Variants in FBH1 observed in about 807,000 individuals in gnomAD.
The protein encoded by FBH1 is DNA 3'-5' helicase 1.
A neutral mutation model predicts 115.5 loss-of-function variants in FBH1; 43 were observed. That is an observed-to-expected ratio of 0.37 (90% CI 0.29 to 0.48). The LOEUF (loss-of-function observed/expected upper bound fraction) is 0.48. FBH1 is among the 20% of genes least tolerant of loss of function. The probability of loss-of-function intolerance (pLI) is 0.99; values close to 1 mark genes in which losing one functional copy is unlikely to be tolerated. For missense variants in FBH1, 1,001 were observed against 1,337.3 expected, an observed-to-expected ratio of 0.75 and a Z score of 3.92; for synonymous variants, 524 against 507.8, an observed-to-expected ratio of 1.03 and a Z score of -0.43.
At chr10:5,926,213 C>T (rs1486978497) in intron 18 of FBH1, among the ~76,000 whole-genome samples, 2 of 152,146 alleles carry the variant, frequency 1.3e-5, no homozygotes, top group African/African-American at 2.4e-5. Context: ...CTCCACCTCC[C>T]GGGTTCAAGT....
chr10:5,937,116 A>G lies in FBH1; in HGVS notation c.2968A>G (p.Arg990Gly). ...MKKLPITYSN[R>G]KENKGGYLCH... ...CTCTTGTCCATCACCACAGAGCAAC[A>G]GGAAGGAAAACAAGGGGGGCTACCT... The change falls in exon 21 of 21, where the codon AGG becomes GGG. Residue 990 changes from arginine to glycine, a missense_variant. Arg to Gly is a moderately radical substitution (Grantham distance 125). Coordinates refer to ENST00000362091, the MANE Select transcript of FBH1 (RefSeq NM_178150.3). 1.9e-6 allele frequency: 3 copies of G among 1,603,406 alleles called. No homozygotes were observed. The highest frequency in any genetic ancestry group is 2.6e-6 in the Non-Finnish European group (3 of 1,174,056).
At position 5,935,046 on chromosome 10, in the gene FBH1, A is replaced by G. The variant is rs1833241227; in HGVS notation, c.2830-1410A>G. ...GGCTTAAAAAGAGTTAAATGGCATA[A>G]AATCTAAAGAAATCAGAGAACACTG... On this transcript the variant is annotated intron_variant, in intron 19 of 20. Coordinates refer to ENST00000362091, the MANE Select transcript of FBH1 (RefSeq NM_178150.3). This position sits in a 1 kb window ranked among gnomAD's most constrained non-coding sequence, Gnocchi z 5.2. The G allele has an allele frequency of 6.6e-6, 1 of 152,238 alleles. No individual in the cohort carries two copies. Among genetic ancestry groups the G allele is most frequent in the Admixed American group, 6.5e-5 (1 of 15,282 alleles). The allele number at this position is 152,238 out of a possible 1,614,324, so 9.4% of individuals were successfully genotyped here.
In FBH1 at chr10:5,936,858, G is replaced by A. The variant is rs1041023599; in HGVS notation, c.2962-252G>A. On this transcript the variant is annotated intron_variant, in intron 20 of 20. Coordinates refer to ENST00000362091, the MANE Select transcript of FBH1 (RefSeq NM_178150.3). This position sits in a 1 kb window ranked among gnomAD's most constrained non-coding sequence, Gnocchi z 5.6. ...GAGAGCTGTTCCCTGGGGTCCCAGC[G>A]CAGCTTTTCTTGGTTCTTTATCTTG... 2.2e-5 allele frequency: 13 copies of A among 592,772 alleles called. No homozygotes were observed. Among genetic ancestry groups the A allele is most frequent in the Non-Finnish European group, 2.6e-5 (9 of 342,466 alleles). The allele number at this position is 592,772 out of a possible 1,614,324, so 36.7% of individuals were successfully genotyped here.
At position 5,910,057 on chromosome 10, in the gene FBH1, G is replaced by A. The variant is rs748807814; in HGVS notation, c.1020+763G>A. ...AGCACTTTGTGAGGCCAAGGCGGGT[G>A]GATCACCTGAGGTCAGGAGTTCGAG... is the stretch of plus-strand genomic sequence containing the variant. On this transcript the variant is annotated intron_variant, in intron 5 of 20. Transcript: ENST00000362091. The surrounding 1 kb of genome is among the most constrained non-coding windows in gnomAD (Gnocchi z 4.8). 9.9e-5 allele frequency among the ~76,000 whole-genome samples: 15 copies of A among 152,168 alleles called. No homozygotes were observed. Among genetic ancestry groups the A allele is most frequent in the Non-Finnish European group, 1.9e-4 (13 of 68,032 alleles).
At position 5,924,812 on chromosome 10, in the gene FBH1, C is replaced by T. The variant is rs1156578914; in HGVS notation, c.2596+304C>T. On this transcript the variant is annotated intron_variant, in intron 17 of 20. Coordinates refer to ENST00000362091, the MANE Select transcript of FBH1 (RefSeq NM_178150.3). The surrounding 1 kb of genome is among the most constrained non-coding windows in gnomAD (Gnocchi z 6.2). ...AACTCCCAACCTCAGGTAATCTGCC[C>T]ACCTCGACCTCCCAAAGTGCTAGAA... The T allele has an allele frequency of 2.1e-6, 1 of 482,266 alleles. No homozygotes were observed. Among genetic ancestry groups the T allele is most frequent in the South Asian group, 1.6e-5 (1 of 62,526 alleles). 29.9% of individuals were successfully genotyped at this position (482,266 alleles called of 1,614,324 possible). A position where few individuals can be genotyped will look rare whatever the true frequency, so the allele number is the denominator to read the frequency against.
rs1322618041 is a variant in FBH1 at position 5,921,042 on chromosome 10, A to G, written c.2101-216A>G. 2.6e-5 allele frequency among the ~76,000 whole-genome samples: 4 copies of G among 152,238 alleles called. No individual in the cohort carries two copies. The highest frequency in any genetic ancestry group is 5.9e-5 in the Non-Finnish European group (4 of 68,042). On this transcript the variant is annotated intron_variant, in intron 13 of 20. Coordinates refer to ENST00000362091, the MANE Select transcript of FBH1 (RefSeq NM_178150.3). This position sits in a 1 kb window ranked among gnomAD's most constrained non-coding sequence, Gnocchi z 6.4. ...TTTGGAGAAAAGGGTAGATTTGCTTAAAAGAAAAATTTACTATTGGTGTTG... is the reference window on the plus strand; with the variant it reads ...TTTGGAGAAAAGGGTAGATTTGCTTGAAAGAAAAATTTACTATTGGTGTTG...
chr10:5,908,934 T>C lies in FBH1; in HGVS notation c.763T>C (p.Trp255Arg). The stretch of plus-strand genomic sequence containing the variant: ...TTTTTTAACTGCATAGTTCATTCCT[T>C]GGAAGAAGCTGTACCATCGATACCT... ...EIISDPLFIP[W>R]KKLYHRYLMN... The change falls in exon 4 of 21, where the codon TGG becomes CGG. Residue 255 changes from tryptophan to arginine, a missense_variant. By Grantham distance (101) the Trp-to-Arg change is moderately radical. Around this residue, in one of 4 missense-constraint regions of FBH1, gnomAD observed 420 missense variants for 430.4 expected, o/e 0.98. Coordinates refer to ENST00000362091, the MANE Select transcript of FBH1 (RefSeq NM_178150.3). The C allele has an allele frequency of 1.2e-6, 2 of 1,614,168 alleles. No individual in the cohort carries two copies. Among genetic ancestry groups the C allele is most frequent in the Non-Finnish European group, 1.7e-6 (2 of 1,180,042 alleles).
intron 19 of FBH1, among the ~76,000 whole-genome samples, chr10:5,927,858 G>A (rs914346552): frequency 2.0e-5 from 3 of 151,878 alleles, no homozygotes; most frequent in Admixed American, 1.3e-4. Context: ...GATCACTTGA[G>A]GCCAGGGGTT....
chr10:5,927,865 G>C (rs528073883), intron 19 of FBH1, among the ~76,000 whole-genome samples: 18 of 151,798 alleles, frequency 1.2e-4, no homozygotes, highest in African/African-American at 4.4e-4. Context: ...TGAGGCCAGG[G>C]GTTTGAGACC....
rs1252010283 is a variant in FBH1, at chr10:5,910,071, C to T, written c.1020+777C>T. Among the ~76,000 whole-genome samples the T allele has an allele frequency of 6.6e-6, 1 of 152,168 alleles. No individual in the cohort carries two copies. Among genetic ancestry groups the T allele is most frequent in the East Asian group, 1.9e-4 (1 of 5,206 alleles). On this transcript the variant is annotated intron_variant, in intron 5 of 20. Coordinates refer to ENST00000362091, the MANE Select transcript of FBH1 (RefSeq NM_178150.3). This position sits in a 1 kb window ranked among gnomAD's most constrained non-coding sequence, Gnocchi z 4.8. The stretch of plus-strand genomic sequence containing the variant: ...CCAAGGCGGGTGGATCACCTGAGGT[C>T]AGGAGTTCGAGACCAGCCTGGCCAA...
Position 5,913,956 on chromosome 10 carries a change from G to A in FBH1, c.1304+117G>A. 8 of 883,076 alleles carry A rather than the reference G, an allele frequency of 9.1e-6. No individual in the cohort carries two copies. Among genetic ancestry groups the A allele is most frequent in the Non-Finnish European group, 1.4e-5 (8 of 560,002 alleles). The allele number at this position is 883,076 out of a possible 1,614,324, so 54.7% of individuals were successfully genotyped here. A position where few individuals can be genotyped will look rare whatever the true frequency, so the allele number is the denominator to read the frequency against. ...ATCATTGAGGTTAATAATGTAAATT[G>A]TGTAAAACTCACCCATCCTAAGAGT... On this transcript the variant is annotated intron_variant, in intron 7 of 20. Transcript: ENST00000362091. The surrounding 1 kb of genome is among the most constrained non-coding windows in gnomAD (Gnocchi z 4.4).
In FBH1 at chr10:5,895,224, C is replaced by A; in HGVS notation, c.1+4878C>A. 1 of 1,589,968 alleles carries A rather than the reference C, an allele frequency of 6.3e-7. No homozygotes were observed. Among genetic ancestry groups the A allele is most frequent in the Admixed American group, 1.7e-5 (1 of 57,568 alleles). ...GTGGGAAACTGACCAGGGCGGTTAGCTGACTCCAAAATTGTCCAGATTAGC... is the reference window on the plus strand; with the variant it reads ...GTGGGAAACTGACCAGGGCGGTTAGATGACTCCAAAATTGTCCAGATTAGC... On this transcript the variant is annotated intron_variant, in intron 1 of 20. Coordinates refer to ENST00000362091, the MANE Select transcript of FBH1 (RefSeq NM_178150.3). This position sits in a 1 kb window ranked among gnomAD's most constrained non-coding sequence, Gnocchi z 5.0.
Position 5,917,379 on chromosome 10 carries a change from A to G in FBH1, c.1789-41A>G. 1 of 1,563,236 alleles carries G rather than the reference A, an allele frequency of 6.4e-7. No homozygotes were observed. Among genetic ancestry groups the G allele is most frequent in the Non-Finnish European group, 8.8e-7 (1 of 1,136,060 alleles). On this transcript the variant is annotated intron_variant, in intron 10 of 20. Transcript: ENST00000362091. The surrounding 1 kb of genome is among the most constrained non-coding windows in gnomAD (Gnocchi z 5.6). ...GTGACCGCAGGGTGCTGCCTTTGCC[A>G]GGGTCTCAAACTCTGGGTTACCATA...
Position 5,914,332 on chromosome 10 carries a change from T to C in FBH1, c.1396+63T>C. 2 of 1,358,790 alleles carry C rather than the reference T, an allele frequency of 1.5e-6. No individual in the cohort carries two copies. Among genetic ancestry groups the C allele is most frequent in the Non-Finnish European group, 2.1e-6 (2 of 947,874 alleles). The allele number at this position is 1,358,790 out of a possible 1,614,324, so 84.2% of individuals were successfully genotyped here. ...TTCTGCCTTTTCTCCCTACATCCCC[T>C]TCCCGCTACCTGCCAGGGCATCTTT... On this transcript the variant is annotated intron_variant, in intron 8 of 20. Coordinates refer to ENST00000362091, the MANE Select transcript of FBH1 (RefSeq NM_178150.3). This position sits in a 1 kb window ranked among gnomAD's most constrained non-coding sequence, Gnocchi z 5.2.
chr10:5,902,956 T>G (rs940258576), intron 1 of FBH1, 64 bp from the exon 2 acceptor site: 1 of 1,493,054 alleles, frequency 6.7e-7, no homozygotes. Context: ...ATGTGCTGGC[T>G]AGCTTGTAGA....
intron 1 of FBH1, among the ~76,000 whole-genome samples, chr10:5,891,830 T>A (rs1390974386): frequency 6.6e-6 from 1 of 152,208 alleles, no homozygotes; most frequent in Admixed American, 6.5e-5. Context: ...CAGGCTGGTC[T>A]TTAAACTCCT....
Position 5,921,507 on chromosome 10 carries a change from G to T in FBH1, c.2260G>T (p.Val754Leu). Residue 754 changes from valine (V) to leucine (L), a missense_variant, in exon 15 of 21, where the codon GTG (valine) becomes TTG (leucine). Physicochemically the swap from Val to Leu is conservative, Grantham distance 32 (BLOSUM62 1). This residue lies in a region of FBH1 where 521 missense variants were observed against 811.0 expected (regional missense o/e 0.64). Coordinates refer to ENST00000362091, the MANE Select transcript of FBH1 (RefSeq NM_178150.3). The surrounding 1 kb of genome is among the most constrained non-coding windows in gnomAD (Gnocchi z 6.4). ...CTTGTTGTCCCGGACCAACGCCAAC[G>T]TGTTTGATGAGGCCGTACGGGTGAC... ...VALLSRTNANVFDEAVRVTEG... is the reference protein window; with the variant it reads ...VALLSRTNANLFDEAVRVTEG... The T allele has an allele frequency of 6.2e-7, 1 of 1,600,280 alleles. No homozygotes were observed. Among genetic ancestry groups the T allele is most frequent in the Non-Finnish European group, 8.5e-7 (1 of 1,176,732 alleles).
chr10:5,894,410 G>T, intron 1 of FBH1: 1 of 1,611,582 alleles, frequency 6.2e-7, no homozygotes, highest in Non-Finnish European at 8.5e-7. Context: ...TCTAGATACA[G>T]AGTGAAGAAT....
chr10:5,917,826 C>T lies in FBH1; in HGVS notation c.1963+150C>T, dbSNP rs2132022222. On this transcript the variant is annotated intron_variant, in intron 12 of 20. Coordinates refer to ENST00000362091, the MANE Select transcript of FBH1 (RefSeq NM_178150.3). This position sits in a 1 kb window ranked among gnomAD's most constrained non-coding sequence, Gnocchi z 5.6. ...ACTTACCTTAGGATTTCAAGCTGCC[C>T]CTTCCCCTCACCCAAGCAGATTTCT... 4 of 715,946 alleles carry T rather than the reference C, an allele frequency of 5.6e-6. No homozygotes were observed. The South Asian group carries it at 7.1e-5, about 13-fold the overall frequency. The allele number at this position is 715,946 out of a possible 1,614,324, so 44.3% of individuals were successfully genotyped here. A position where few individuals can be genotyped will look rare whatever the true frequency, so the allele number is the denominator to read the frequency against.
Sources: gnomAD v4.1 joint callset for allele counts (sites outside exome capture counted in the v4.1 genomes callset) on GRCh38, gnomAD v4.1.1 for gene constraint, gnomAD v4.1.1 regional missense constraint, Gnocchi (gnomAD v3.1) non-coding constraint, MANE v1.5 for transcripts, NCBI Gene and HGNC (gene_info 2026-07-23, HGNC 2026-07-21) for gene names.